The following STAT5A variants were observed in gnomAD, a reference collection of about 807,000 sequenced individuals.
STAT5A encodes the protein epididymis secretory sperm binding protein.
Under a neutral mutation model 100.2 loss-of-function variants are expected in STAT5A, and 26 were observed. The ratio of observed to expected loss-of-function variants is 0.26; its 90% confidence interval spans 0.19 to 0.36. STAT5A has a LOEUF of 0.36. STAT5A is among the 10% of genes least tolerant of loss of function. STAT5A has a pLI of 1.00. For synonymous variants in STAT5A, 330 were observed against 424.3 expected (o/e 0.78, Z 2.73); for missense variants, 634 against 1,027.5 (o/e 0.62, Z 5.24).
chr17:42,299,698 C>T (rs1567690102), intron 5 of STAT5A, 53 bp from the exon 6 acceptor site: 3 of 1,613,584 alleles, frequency 1.9e-6, no homozygotes, highest in Non-Finnish European at 2.5e-6. Context: ...TTCTCTAGGC[C>T]TCCTGTTGGA....
At chr17:42,294,512 G>T (rs1357974128) in intron 4 of STAT5A, among the ~76,000 whole-genome samples, 2 of 152,224 alleles carry the variant, frequency 1.3e-5, no homozygotes, top group Admixed American at 1.3e-4. Context: ...CAGGGAGACA[G>T]ACAGAAACAT....
chr17:42,295,795 T>C lies in STAT5A; in HGVS notation c.550+2T>C. On this transcript the variant is annotated splice_donor_variant, in intron 5 of 18. Coordinates refer to ENST00000590949, the MANE Select transcript of STAT5A (RefSeq NM_001288718.2). LOFTEE classifies it high-confidence loss of function. ...ACCAGGAGAGCCTGAGGATCCAAGG[T>C]GAGGCGCGGTGGAGGCAGTGTGCAT... 1 of 1,613,730 alleles carries C rather than the reference T, an allele frequency of 6.2e-7. No homozygotes were observed. Among genetic ancestry groups the C allele is most frequent in the Non-Finnish European group, 8.5e-7 (1 of 1,179,874 alleles).
intron 3 of STAT5A, 60 bp from the exon 4 acceptor site, chr17:42,291,912 A>G (rs1259316728): frequency 1.3e-6 from 2 of 1,585,946 alleles, no homozygotes; most frequent in Non-Finnish European, 1.7e-6. Flanking sequence ...TGGGCATAGC[A>G]TGGGGCTGGC....
At chr17:42,301,568 C>T (rs981076168) in intron 9 of STAT5A, 114 bp downstream of exon 9, 16 of 1,465,650 alleles carry the variant, frequency 1.1e-5, no homozygotes, top group Non-Finnish European at 1.5e-5. Context: ...GTTGCCCAGG[C>T]TGGTCTCGAA....
rs755312937 is a variant in STAT5A at position 42,289,587 on chromosome 17, G to A, written c.128+48G>A. On this transcript the variant is annotated intron_variant, in intron 2 of 18. Coordinates refer to ENST00000590949, the MANE Select transcript of STAT5A (RefSeq NM_001288718.2). ...CTCCTCAGAGGGTCCCTACCATCCA[G>A]GCCCTTTGGCCTCTAGTTTTACTCA... 1.9e-6 allele frequency: 3 copies of A among 1,586,340 alleles called. No homozygotes were observed. The South Asian group carries it at 3.4e-5, about 18-fold the overall frequency.
chr17:42,307,829 C>T lies in STAT5A; in HGVS notation c.1906+106C>T, dbSNP rs561636025. 275 of 1,484,998 alleles carry T rather than the reference C, an allele frequency of 1.9e-4. 1 individual carries two copies. In the South Asian group the frequency reaches 3.2e-3, roughly 17 times the overall value. The allele number at this position is 1,484,998 out of a possible 1,614,324, so 92.0% of individuals were successfully genotyped here. A position where few individuals can be genotyped will look rare whatever the true frequency, so the allele number is the denominator to read the frequency against. On this transcript the variant is annotated intron_variant, in intron 15 of 18. Coordinates refer to ENST00000590949, the MANE Select transcript of STAT5A (RefSeq NM_001288718.2). ...GCCTGTGTCCTTAGAAGGTACCCAG[C>T]GGGAAGCTTAGTATGAGAGGGCTGT...
At chr17:42,289,670 C>A in intron 2 of STAT5A, 131 bp downstream of exon 2, 3 of 1,437,238 alleles carry the variant, frequency 2.1e-6, no homozygotes, top group Non-Finnish European at 2.8e-6. Flanking sequence ...AGGGGTGGTG[C>A]CCCTGGGAAA....
At chr17:42,301,534 A>G (rs540015110) in intron 9 of STAT5A, 80 bp downstream of exon 9, 963 of 1,566,898 alleles carry the variant, frequency 6.1e-4, no homozygotes, top group Non-Finnish European at 8.0e-4. Context: ...GCATCCAGCT[A>G]TGTCTTGTCC....
At chr17:42,294,899 C>A (rs1424444444) in intron 4 of STAT5A, among the ~76,000 whole-genome samples, 1 of 133,332 alleles carries the variant, frequency 7.5e-6, no homozygotes, top group Non-Finnish European at 1.6e-5. Context: ...CCCTCTCTCT[C>A]TATTTTTTTT....
Position 42,307,587 on chromosome 17 carries a change from A to G in STAT5A, c.1776-6A>G. On this transcript the variant is annotated splice_polypyrimidine_tract_variant and splice_region_variant and intron_variant, in intron 14 of 18. Coordinates refer to ENST00000590949, the MANE Select transcript of STAT5A (RefSeq NM_001288718.2). ...AGTGGTGACGCTCAATGCTCCGTGC[A>G]CCCAGGGCCATCCTAGGTTTTGTGA... is the stretch of plus-strand genomic sequence containing the variant. 6.2e-7 allele frequency: 1 copy of G among 1,613,990 alleles called. No homozygotes were observed. The highest frequency in any genetic ancestry group is 8.5e-7 in the Non-Finnish European group (1 of 1,179,990).
chr17:42,294,729 A>G (rs1300291016), intron 4 of STAT5A, among the ~76,000 whole-genome samples: 1 of 152,330 alleles, frequency 6.6e-6, no homozygotes, highest in East Asian at 1.9e-4. Flanking sequence ...CAGAAAGCAC[A>G]CATTCCCAGC....
At chr17:42,300,677 G>A (rs747374871) in intron 7 of STAT5A, 38 bp from the exon 8 acceptor site, 3 of 1,613,798 alleles carry the variant, frequency 1.9e-6, no homozygotes, top group Middle Eastern at 3.3e-4. Flanking sequence ...GTGAGGAGAA[G>A]CCATTGTCCT....
chr17:42,297,914 C>T (rs60395698), intron 5 of STAT5A, among the ~76,000 whole-genome samples: 22,215 of 151,074 alleles, frequency 0.15, 2,589 homozygotes, highest in African/African-American at 0.33. Context: ...AGGGGCCAGC[C>T]AGGAGCTCGA....
intron 5 of STAT5A, among the ~76,000 whole-genome samples, chr17:42,298,472 CT>C (rs1165911823): frequency 0.027 from 3,469 of 127,002 alleles, 98 homozygotes; most frequent in African/African-American, 0.078. Context: ...ATGATGGATA[CT>C]TTTTTTTTTT....
chr17:42,305,728 C>G (rs182461821), intron 12 of STAT5A, 26 bp downstream of exon 12: 4 of 1,611,646 alleles, frequency 2.5e-6, no homozygotes, highest in Non-Finnish European at 3.4e-6. Flanking sequence ...AGCCCTACCC[C>G]AGCACCCCCA....
chr17:42,306,380 TCAA>T lies in STAT5A; in HGVS notation c.1619_1621del (p.Asn540del). The stretch of plus-strand genomic sequence containing the variant: ...CTCGTGTTCCTGGCGCAGAAACTGT[TCAA>T]CAACAGCAGCAGCCACCTGGAGGAC... On this transcript the variant is annotated inframe_deletion, in exon 13 of 19. Coordinates refer to ENST00000590949, the MANE Select transcript of STAT5A (RefSeq NM_001288718.2). 1 of 1,614,126 alleles carries T rather than the reference TCAA, an allele frequency of 6.2e-7. No individual in the cohort carries two copies. Among genetic ancestry groups the T allele is most frequent in the Non-Finnish European group, 8.5e-7 (1 of 1,180,004 alleles).
intron 4 of STAT5A, among the ~76,000 whole-genome samples, chr17:42,292,632 T>A (rs1357700767): frequency 1.4e-5 from 2 of 142,416 alleles, no homozygotes; most frequent in Admixed American, 7.0e-5. Context: ...GCGCCTACTG[T>A]TTTTTCCCCC....
upstream of STAT5A, chr17:42,288,194 C>T (rs550252285): frequency 6.8e-4 from 104 of 152,388 alleles, no homozygotes; most frequent in African/African-American, 2.3e-3. This position sits in a 1 kb window ranked among gnomAD's most constrained non-coding sequence, Gnocchi z 4.8. Context: ...CAACGCCCGA[C>T]AACCACATTC....
intron 3 of STAT5A, among the ~76,000 whole-genome samples, chr17:42,291,169 A>T (rs1316217492): frequency 6.6e-6 from 1 of 152,242 alleles, no homozygotes; most frequent in African/African-American, 2.4e-5. Flanking sequence ...GATCCCTCGC[A>T]TGTGCAGTTC....
Sources: allele counts gnomAD v4.1 joint callset (sites outside exome capture counted in the v4.1 genomes callset), GRCh38; gene constraint gnomAD v4.1.1; non-coding constraint Gnocchi (gnomAD v3.1); transcripts MANE v1.5; gene names NCBI Gene and HGNC (gene_info 2026-07-23, HGNC 2026-07-21).